Variants in CWF19L2 observed in about 807,000 individuals in gnomAD.
The protein encoded by CWF19L2 is CWF19 like cell cycle control factor 2, also known as CWF19-like protein 2.
Under a neutral mutation model 111.7 loss-of-function variants are expected in CWF19L2, and 98 were observed. The ratio of observed to expected loss-of-function variants is 0.88; its 90% CI spans 0.75 to 1.04. The LOEUF (loss-of-function observed/expected upper bound fraction) is 1.04. Among genes scored for constraint, CWF19L2 ranks in the 50% least tolerant of loss-of-function variants. The pLI is 0.00. For missense variants in CWF19L2, 1,101 were observed against 1,051.4 expected, an observed-to-expected ratio of 1.05 and a Z score of -0.65; for synonymous variants, 351 against 342.9, an observed-to-expected ratio of 1.02 and a Z score of -0.26.
intron 14 of CWF19L2, among the ~76,000 whole-genome samples, chr11:107,341,379 G>T (rs1860002751): frequency 6.6e-6 from 1 of 152,140 alleles, no homozygotes; most frequent in South Asian, 2.1e-4. Flanking sequence ...TATGAACATG[G>T]TGGATTATAA....
At chr11:107,328,665 T>C (rs573669137) in intron 17 of CWF19L2, among the ~76,000 whole-genome samples, 4 of 152,332 alleles carry the variant, frequency 2.6e-5, no homozygotes, top group African/African-American at 7.2e-5. Context: ...CCCAGTTTAA[T>C]ATATACAACT....
intron 6 of CWF19L2, among the ~76,000 whole-genome samples, chr11:107,435,912 T>C (rs977555630): frequency 6.6e-6 from 1 of 152,116 alleles, no homozygotes; most frequent in Admixed American, 6.5e-5. Flanking sequence ...TCCCAGCACT[T>C]TGGGAGGCCA....
chr11:107,342,873 G>A (rs182841114), intron 14 of CWF19L2, among the ~76,000 whole-genome samples: 1 of 152,166 alleles, frequency 6.6e-6, no homozygotes, highest in African/African-American at 2.4e-5. Context: ...AAGAAGAGGA[G>A]AAGGCAATAT....
At chr11:107,403,045 T>G (rs895436873) in intron 10 of CWF19L2, among the ~76,000 whole-genome samples, 4 of 151,502 alleles carry the variant, frequency 2.6e-5, no homozygotes, top group Non-Finnish European at 5.9e-5. Flanking sequence ...ATGTAGGAGC[T>G]AAGCTGTGAG....
intron 16 of CWF19L2, among the ~76,000 whole-genome samples, chr11:107,332,221 T>G (rs11212168): frequency 0.016 from 2,509 of 152,278 alleles, 73 homozygotes; most frequent in African/African-American, 0.057. Flanking sequence ...TATCACAAAA[T>G]TAAACTTAAA....
At chr11:107,424,597 G>A (rs1861349098) in intron 8 of CWF19L2, among the ~76,000 whole-genome samples, 1 of 151,800 alleles carries the variant, frequency 6.6e-6, no homozygotes, top group African/African-American at 2.4e-5. Context: ...GGGCAATGAA[G>A]GTAGGCTGAA....
At chr11:107,329,873 T>C (rs1591144253) in intron 17 of CWF19L2, 45 bp downstream of exon 17, 1 of 1,410,932 alleles carries the variant, frequency 7.1e-7, no homozygotes, top group South Asian at 1.4e-5. Context: ...AGAAAAATGT[T>C]ACCAAATTGC....
At chr11:107,404,011 A>C in intron 10 of CWF19L2, 2 of 786,272 alleles carry the variant, frequency 2.5e-6, no homozygotes, top group Non-Finnish European at 4.7e-6. Context: ...TAAGGATTTC[A>C]CTGAAGAGGT....
intron 10 of CWF19L2, among the ~76,000 whole-genome samples, chr11:107,414,691 T>C (rs1354938344): frequency 6.6e-6 from 1 of 152,172 alleles, no homozygotes; most frequent in East Asian, 1.9e-4. Flanking sequence ...ACTCAATTAA[T>C]GGCTATTCTT....
In CWF19L2 at chr11:107,326,963, G is replaced by C. The variant is rs765092550; in HGVS notation, c.2632C>G (p.Gln878Glu). 6.2e-7 allele frequency: 1 copy of C among 1,611,776 alleles called. No homozygotes were observed. Among genetic ancestry groups the C allele is most frequent in the East Asian group, 2.2e-5 (1 of 44,680 alleles). Residue 878 changes from glutamine to glutamate, a missense_variant, in exon 18 of 18, where the codon CAG (glutamine) becomes GAG (glutamate). By Grantham distance (29) the Gln-to-Glu change is conservative. Coordinates refer to ENST00000282251, the MANE Select transcript of CWF19L2 (RefSeq NM_152434.3). ...SFEDQRKKAL[Q>E]FAQWWKPYDF... ...TATGGTTTCCACCACTGAGCAAACT[G>C]CAGTGCTTTTTTCCTCTGATCCTCA...
intron 12 of CWF19L2, among the ~76,000 whole-genome samples, chr11:107,384,276 T>G (rs746080544): frequency 1.3e-5 from 2 of 152,240 alleles, no homozygotes; most frequent in Admixed American, 6.5e-5. Flanking sequence ...TTTCAGATTT[T>G]GAATTGTTTT....
intron 10 of CWF19L2, among the ~76,000 whole-genome samples, chr11:107,397,323 G>A (rs927403979): frequency 1.3e-5 from 2 of 152,116 alleles, no homozygotes; most frequent in Admixed American, 1.3e-4. Flanking sequence ...CGCTGTTGGT[G>A]GGGGCACAGT....
At chr11:107,443,126 A>G in intron 3 of CWF19L2, 77 bp from the exon 4 acceptor site, 1 of 983,282 alleles carries the variant, frequency 1.0e-6, no homozygotes, top group East Asian at 2.6e-5. Context: ...GTTAAGTGGT[A>G]GAAATTCAAC....
At chr11:107,435,208 A>G (rs1213009119) in intron 6 of CWF19L2, among the ~76,000 whole-genome samples, 3 of 152,118 alleles carry the variant, frequency 2.0e-5, no homozygotes, top group African/African-American at 7.2e-5. Flanking sequence ...CAAAACCTAG[A>G]TCTCTAATGC....
chr11:107,454,475 T>C lies in CWF19L2; in HGVS notation c.314A>G (p.Asn105Ser). Residue 105 changes from asparagine (N) to serine (S), a missense_variant, in exon 3 of 18, where the codon AAC (asparagine) becomes AGC (serine). Coordinates refer to ENST00000282251, the MANE Select transcript of CWF19L2 (RefSeq NM_152434.3). ...TGATGAGCTATCAGATGACTCATTG[T>C]TTTTTTCATATTTCTGTTTCTTGCT... The part of the protein sequence containing the change: ...KKSKKQKYEK[N>S]NESSDSSSSS... The C allele has an allele frequency of 6.9e-7, 1 of 1,459,004 alleles. No individual in the cohort carries two copies. The highest frequency in any genetic ancestry group is 9.0e-7 in the Non-Finnish European group (1 of 1,109,990). 90.4% of individuals were successfully genotyped at this position (1,459,004 alleles called of 1,614,324 possible). A position where few individuals can be genotyped will look rare whatever the true frequency, so the allele number is the denominator to read the frequency against.
intron 12 of CWF19L2, among the ~76,000 whole-genome samples, chr11:107,378,673 C>G (rs1395904303): frequency 6.6e-6 from 1 of 151,944 alleles, no homozygotes; most frequent in Non-Finnish European, 1.5e-5. Flanking sequence ...TGCTAGATGA[C>G]GAGTTAGTGG....
chr11:107,436,129 T>G (rs671908), intron 6 of CWF19L2, among the ~76,000 whole-genome samples: 65,991 of 148,256 alleles, frequency 0.45, 14,752 homozygotes, highest in Middle Eastern at 0.51. Context: ...ACTCCAGCCT[T>G]GTGACAGAGC....
At chr11:107,360,166 G>A (rs887026297) in intron 12 of CWF19L2, among the ~76,000 whole-genome samples, 3 of 152,004 alleles carry the variant, frequency 2.0e-5, no homozygotes, top group African/African-American at 7.3e-5. Context: ...CTACATCCAT[G>A]TGTATACATT....
At chr11:107,423,656 G>A (rs931124242) in intron 8 of CWF19L2, among the ~76,000 whole-genome samples, 1 of 151,886 alleles carries the variant, frequency 6.6e-6, no homozygotes, top group Non-Finnish European at 1.5e-5. Flanking sequence ...AGCTATTTAC[G>A]CAGTATTTCT....
Sources: gnomAD v4.1 joint callset for allele counts (sites outside exome capture counted in the v4.1 genomes callset) on GRCh38, gnomAD v4.1.1 for gene constraint, MANE v1.5 for transcripts, NCBI Gene and HGNC (gene_info 2026-07-23, HGNC 2026-07-21) for gene names.